Variants in ZDHHC23 observed in about 807,000 individuals in gnomAD.
The protein encoded by ZDHHC23 is palmitoyltransferase ZDHHC23.
A neutral mutation model predicts 40.2 loss-of-function variants in ZDHHC23; 41 were observed. The observed-to-expected ratio is 1.02, with a 90% CI of 0.79 to 1.32. ZDHHC23 has a LOEUF of 1.32. ZDHHC23 is among the 40% of genes most tolerant of loss of function. The pLI, the probability that ZDHHC23 is intolerant of heterozygous loss-of-function variation, is 0.00. For synonymous variants in ZDHHC23, 204 were observed against 210.2 expected (o/e 0.97, Z 0.26); for missense variants, 471 against 541.5 (o/e 0.87, Z 1.29).
rs780230827 is a variant in ZDHHC23 at position 113,958,365 on chromosome 3, C to A, written c.1043C>A (p.Ser348Ter). 5.0e-6 allele frequency: 8 copies of A among 1,606,532 alleles called. No individual in the cohort carries two copies. The highest frequency in any genetic ancestry group is 6.0e-6 in the Non-Finnish European group (7 of 1,173,938). The change falls in exon 5 of 5, where the codon TCG (serine) becomes TAG (stop). Residue 348 changes from serine to a stop codon, truncating the protein, a stop_gained and splice_region_variant. Coordinates refer to ENST00000638807, the MANE Select transcript of ZDHHC23 (RefSeq NM_001320466.2). LOFTEE classifies it high-confidence loss of function. ...YCPGVYANYS[S>*]ALSFTCVWYS... ...GACAGCCTTTTTCCCTCTCCTAGCT[C>A]GGCTCTGTCCTTCACCTGCGTGTGG...
chr3:113,960,928 CAAG>C lies in ZDHHC23; in HGVS notation c.*2299_*2301del. 1.4e-6 allele frequency: 1 copy of C among 729,362 alleles called. No individual in the cohort carries two copies. Among genetic ancestry groups the C allele is most frequent in the East Asian group, 3.3e-5 (1 of 30,564 alleles). 45.2% of individuals were successfully genotyped at this position (729,362 alleles called of 1,614,324 possible). A position where few individuals can be genotyped will look rare whatever the true frequency, so the allele number is the denominator to read the frequency against. ...CGTCTGTACCGAAAGGAGCAGCAAA[CAAG>C]GGGCTAATCCATGAGCAGTGTTCTG... On this transcript the variant is annotated 3_prime_UTR_variant, in exon 5 of 5. Transcript: ENST00000638807.
chr3:113,974,627 G>A, the ZDHHC23 span, among the ~76,000 whole-genome samples: 1 of 152,000 alleles, frequency 6.6e-6, no homozygotes, highest in South Asian at 2.1e-4. Context: ...CCAACTCGCT[G>A]TTGTTTCTTG....
At chr3:113,978,846 C>T in the ZDHHC23 span, 1 of 1,611,966 alleles carries the variant, frequency 6.2e-7, no homozygotes, top group Non-Finnish European at 8.5e-7. Flanking sequence ...GTACCCTTCC[C>T]TATGTCCTTA....
downstream of ZDHHC23, among the ~76,000 whole-genome samples, chr3:113,963,934 G>GT (rs67934523): frequency 0.012 from 1,765 of 145,084 alleles, 16 homozygotes; most frequent in East Asian, 0.017. Context: ...AAAAACACAG[G>GT]TTTTTTTTTT....
At position 113,954,097 on chromosome 3, in the gene ZDHHC23, A is replaced by G. The variant is rs1241716138; in HGVS notation, c.559A>G (p.Arg187Gly). ...ATTTCTGATACTCTTAGCCTTGCACAGAGCCAAGAAGAATCCAGGCTACCT... is the reference window on the plus strand; with the variant it reads ...ATTTCTGATACTCTTAGCCTTGCACGGAGCCAAGAAGAATCCAGGCTACCT... Reference protein sequence around the residue: ...GLFLILLALHRAKKNPGYLSN... With the variant: ...GLFLILLALHGAKKNPGYLSN... Residue 187 changes from arginine (R) to glycine (G), a missense_variant, in exon 3 of 5, where the codon AGA becomes GGA. Arg to Gly is a moderately radical substitution (Grantham distance 125). Transcript: ENST00000638807. 3 of 1,614,246 alleles carry G rather than the reference A, an allele frequency of 1.9e-6. No individual in the cohort carries two copies. The highest frequency in any genetic ancestry group is 2.5e-6 in the Non-Finnish European group (3 of 1,180,046).
chr3:113,976,009 G>A, the ZDHHC23 span, among the ~76,000 whole-genome samples: 1 of 152,152 alleles, frequency 6.6e-6, no homozygotes, highest in Non-Finnish European at 1.5e-5. Context: ...TGTAATCCTA[G>A]CACTTTGGGA....
At chr3:113,956,606 C>T (rs1403302451) in intron 4 of ZDHHC23, 100 bp downstream of exon 4, 2 of 1,256,242 alleles carry the variant, frequency 1.6e-6, no homozygotes, top group South Asian at 1.7e-5. Flanking sequence ...TCAATCAAAA[C>T]ATAGGCCAGG....
the ZDHHC23 span, among the ~76,000 whole-genome samples, chr3:113,971,715 CTTCAG>C: frequency 6.6e-6 from 1 of 151,950 alleles, no homozygotes; most frequent in South Asian, 2.1e-4. Flanking sequence ...ATTCCCTCCT[CTTCAG>C]TTTTTTTTTG....
At chr3:113,952,876 C>T (rs371256737) in intron 2 of ZDHHC23, among the ~76,000 whole-genome samples, 2 of 152,308 alleles carry the variant, frequency 1.3e-5, no homozygotes, top group African/African-American at 4.8e-5. Context: ...TAATTCCACT[C>T]ATCAGGGCTC....
rs1323259760 is a variant in ZDHHC23, at chr3:113,960,642, AAGT to A, written c.*2017_*2019del. On this transcript the variant is annotated 3_prime_UTR_variant, in exon 5 of 5. Transcript: ENST00000638807. ...AAATGTAATGTGATGTGATGAAGAT[AAGT>A]AGTACAAAGAGACCAAAATAATTTG... The A allele has an allele frequency of 6.3e-7, 1 of 1,596,236 alleles. No individual in the cohort carries two copies.
chr3:113,968,800 G>A (rs1433788943), downstream of ZDHHC23, among the ~76,000 whole-genome samples: 1 of 151,824 alleles, frequency 6.6e-6, no homozygotes, highest in East Asian at 1.9e-4. Context: ...TATTGTTTGA[G>A]TTCCTTACAT....
chr3:113,957,590 G>A (rs1939353607), intron 4 of ZDHHC23: 2 of 429,162 alleles, frequency 4.7e-6, no homozygotes, highest in Non-Finnish European at 9.3e-6. Flanking sequence ...CTCTGTGCAG[G>A]CGATTCACAG....
chr3:113,975,986 G>A, the ZDHHC23 span, among the ~76,000 whole-genome samples: 33,598 of 152,098 alleles, frequency 0.22, 4,486 homozygotes, highest in Middle Eastern at 0.37. Flanking sequence ...GGCCAGGCAA[G>A]ATGGCTCACA....
intron 3 of ZDHHC23, among the ~76,000 whole-genome samples, chr3:113,955,654 T>C (rs545994387): frequency 7.3e-4 from 111 of 152,342 alleles, no homozygotes; most frequent in Non-Finnish European, 9.8e-4. Flanking sequence ...TCCCATACTA[T>C]GTAATACTTC....
At chr3:113,967,104 A>G (rs1232632568), downstream of ZDHHC23, among the ~76,000 whole-genome samples, 2 of 64,508 alleles carry the variant, frequency 3.1e-5, no homozygotes, top group East Asian at 1.1e-3. Context: ...TGTCTCAAAA[A>G]AAGAAAAAAA....
the ZDHHC23 span, chr3:113,978,464 T>A: frequency 3.3e-6 from 3 of 918,306 alleles, no homozygotes; most frequent in Non-Finnish European, 4.8e-6. Flanking sequence ...AAGAAAAGGA[T>A]AACCTGGAAG....
chr3:113,954,474 A>G, intron 3 of ZDHHC23, 64 bp downstream of exon 3: 1 of 1,430,360 alleles, frequency 7.0e-7, no homozygotes, highest in Non-Finnish European at 9.3e-7. Flanking sequence ...GTTACATTTT[A>G]TCTTCCCTTG....
chr3:113,965,628 C>T (rs975400491), downstream of ZDHHC23, among the ~76,000 whole-genome samples: 20 of 152,090 alleles, frequency 1.3e-4, no homozygotes, highest in South Asian at 4.2e-4. Flanking sequence ...CTTGCTCTGT[C>T]GCCCAGGCTA....
At chr3:113,955,075 T>C (rs1424687242) in intron 3 of ZDHHC23, among the ~76,000 whole-genome samples, 1 of 152,234 alleles carries the variant, frequency 6.6e-6, no homozygotes, top group Non-Finnish European at 1.5e-5. Flanking sequence ...TATAATTAAT[T>C]CAGATATGAA....
Sources: allele counts gnomAD v4.1 joint callset (sites outside exome capture counted in the v4.1 genomes callset), GRCh38; gene constraint gnomAD v4.1.1; transcripts MANE v1.5; gene names NCBI Gene and HGNC (gene_info 2026-07-23, HGNC 2026-07-21).